GTF2F1: variants seen among roughly 807,000 people sequenced by gnomAD.
GTF2F1 encodes general transcription factor IIF 74 kDa subunit.
Under a neutral mutation model 63.5 loss-of-function variants are expected in GTF2F1, and 39 were observed. The ratio of observed to expected loss-of-function variants is 0.61; its 90% CI spans 0.48 to 0.80. GTF2F1 has a LOEUF of 0.80. Among genes scored for constraint, GTF2F1 ranks in the 30% least tolerant of loss-of-function variants. GTF2F1 has a pLI of 0.00. For missense variants in GTF2F1, 657 were observed against 718.3 expected, an observed-to-expected ratio of 0.91 and a Z score of 0.97; for synonymous variants, 287 against 285.3, an observed-to-expected ratio of 1.01 and a Z score of -0.06.
At chr19:6,392,121 A>C (rs1437567134) in intron 2 of GTF2F1, 147 bp from the exon 3 acceptor site, 1 of 676,710 alleles carries the variant, frequency 1.5e-6, no homozygotes, top group Non-Finnish European at 2.7e-6. Context: ...TCAATCACTC[A>C]ATTCAATTGA....
In GTF2F1 at chr19:6,383,538, A is replaced by G. The variant is rs752777593; in HGVS notation, c.498-43T>C. 3.8e-6 allele frequency: 6 copies of G among 1,593,306 alleles called. No homozygotes were observed. The African/African-American group carries it at 8.0e-5, about 21-fold the overall frequency. On this transcript the variant is annotated intron_variant, in intron 5 of 12. Coordinates refer to ENST00000394456, the MANE Select transcript of GTF2F1 (RefSeq NM_002096.3). The surrounding 1 kb of genome is among the most constrained non-coding windows in gnomAD (Gnocchi z 4.5). The stretch of plus-strand genomic sequence containing the variant: ...GGGGGCTCATGCCGGGCCTGGCACC[A>G]CCCTGCATCTGTGCTTGCAGGGGGC...
chr19:6,380,920 G>A lies in GTF2F1; in HGVS notation c.1215C>T (p.Ala405=), dbSNP rs761280869. The change falls in exon 11 of 13, where the codon GCC becomes GCT. Residue 405 remains alanine (A), a synonymous_variant. Coordinates refer to ENST00000394456, the MANE Select transcript of GTF2F1 (RefSeq NM_002096.3). This position sits in a 1 kb window ranked among gnomAD's most constrained non-coding sequence, Gnocchi z 5.3. The part of the protein sequence containing the change: ...GSTSSTLRAA[A]SKLEQGKRVS... ...GGCACTCACCTTGCTCGAGTTTGCT[G>A]GCAGCCGCCCGCAGGGTGGAGGAGG... The A allele has an allele frequency of 1.9e-6, 3 of 1,567,758 alleles. No homozygotes were observed. In the East Asian group the frequency reaches 6.9e-5, roughly 36 times the overall value.
At position 6,381,232 on chromosome 19, in the gene GTF2F1, C is replaced by G; in HGVS notation, c.1019-37G>C. ...AGGAAAGGGGTCAGGGCCAGAGCAA[C>G]CCCGGGACCCGGTGCCCACTGGTGC... On this transcript the variant is annotated intron_variant, in intron 9 of 12. Transcript: ENST00000394456. This position sits in a 1 kb window ranked among gnomAD's most constrained non-coding sequence, Gnocchi z 4.1. 1.3e-6 allele frequency: 2 copies of G among 1,581,234 alleles called. No homozygotes were observed. The highest frequency in any genetic ancestry group is 1.7e-6 in the Non-Finnish European group (2 of 1,164,576).
rs1451645597 is a variant in GTF2F1, at chr19:6,387,614, G to A, written c.327-55C>T. On this transcript the variant is annotated intron_variant, in intron 4 of 12. Coordinates refer to ENST00000394456, the MANE Select transcript of GTF2F1 (RefSeq NM_002096.3). ...CATAGGGACCAGCCCCAGCCCCCCC[G>A]TGTCCCCCCGGGGCCTGCCTCCTTT... 15 of 1,294,950 alleles carry A rather than the reference G, an allele frequency of 1.2e-5. 1 individual carries two copies. Among genetic ancestry groups the A allele is most frequent in the Admixed American group, 7.6e-5 (4 of 52,714 alleles). 80.2% of individuals were successfully genotyped at this position (1,294,950 alleles called of 1,614,324 possible). A position where few individuals can be genotyped will look rare whatever the true frequency, so the allele number is the denominator to read the frequency against.
chr19:6,390,363 C>G (rs1239977633), intron 3 of GTF2F1: 1 of 151,930 alleles, frequency 6.6e-6, no homozygotes, highest in South Asian at 2.1e-4. Flanking sequence ...CTGGCTAACA[C>G]GGTGAAACCC....
chr19:6,385,028 T>C (rs1185896431), intron 5 of GTF2F1, among the ~76,000 whole-genome samples: 1 of 152,022 alleles, frequency 6.6e-6, no homozygotes, highest in African/African-American at 2.4e-5. Context: ...CTCGAACTCT[T>C]GACCTTGCGA....
chr19:6,392,172 T>TAATTC (rs1319629004), intron 2 of GTF2F1, 198 bp from the exon 3 acceptor site: 6 of 637,918 alleles, frequency 9.4e-6, no homozygotes, highest in East Asian at 3.2e-5. Flanking sequence ...ATTGAATCAT[T>TAATTC]AATTCAATTC....
intron 5 of GTF2F1, among the ~76,000 whole-genome samples, chr19:6,386,111 C>T (rs1324181099): frequency 3.3e-5 from 5 of 151,474 alleles, no homozygotes; most frequent in African/African-American, 1.2e-4. Context: ...ACAGGCCGGG[C>T]GTGGTGGCTC....
rs771316028 is a variant in GTF2F1, at chr19:6,381,434, T to G, written c.943A>C (p.Lys315Gln). ...SDSSEESEEE[K>Q]PPEEDKEEEE... ...TCCTCCTTGTCCTCCTCAGGCGGCT[T>G]CTCCTCCTCACTCTCCTCACTACTG... Residue 315 changes from lysine to glutamine, a missense_variant, in exon 9 of 13, where the codon AAG (lysine) becomes CAG (glutamine). Around this residue, in one of 2 missense-constraint regions of GTF2F1, gnomAD observed 602 missense variants for 625.6 expected, o/e 0.96. Coordinates refer to ENST00000394456, the MANE Select transcript of GTF2F1 (RefSeq NM_002096.3). The surrounding 1 kb of genome is among the most constrained non-coding windows in gnomAD (Gnocchi z 4.1). 2.5e-6 allele frequency: 4 copies of G among 1,610,100 alleles called. No individual in the cohort carries two copies. In the South Asian group the frequency reaches 3.3e-5, roughly 13 times the overall value.
chr19:6,389,398 T>C (rs1398893119), intron 4 of GTF2F1, 46 bp downstream of exon 4: 8 of 1,570,114 alleles, frequency 5.1e-6, no homozygotes, highest in Non-Finnish European at 6.1e-6. Context: ...GGCCTGGGGA[T>C]GTGGACTGGT....
In GTF2F1 at chr19:6,381,259, T is replaced by G. The variant is rs892874833; in HGVS notation, c.1019-64A>C. 6.4e-7 allele frequency: 1 copy of G among 1,561,824 alleles called. No individual in the cohort carries two copies. The highest frequency in any genetic ancestry group is 8.7e-7 in the Non-Finnish European group (1 of 1,153,826). ...CCGGGACCCGGTGCCCACTGGTGCC[T>G]CCACTGCAGATGAGGGAGGCCTGCA... is the stretch of plus-strand genomic sequence containing the variant. On this transcript the variant is annotated intron_variant, in intron 9 of 12. Coordinates refer to ENST00000394456, the MANE Select transcript of GTF2F1 (RefSeq NM_002096.3). The surrounding 1 kb of genome is among the most constrained non-coding windows in gnomAD (Gnocchi z 4.1).
chr19:6,389,836 TG>T lies in GTF2F1; in HGVS notation c.133-200del. 8 of 496,576 alleles carry T rather than the reference TG, an allele frequency of 1.6e-5. No individual in the cohort carries two copies. In the South Asian group the frequency reaches 2.3e-4, roughly 14 times the overall value. The allele number at this position is 496,576 out of a possible 1,614,324, so 30.8% of individuals were successfully genotyped here. A position where few individuals can be genotyped will look rare whatever the true frequency, so the allele number is the denominator to read the frequency against. On this transcript the variant is annotated intron_variant, in intron 3 of 12. Coordinates refer to ENST00000394456, the MANE Select transcript of GTF2F1 (RefSeq NM_002096.3). The stretch of plus-strand genomic sequence containing the variant: ...TTGGGCGAGCCTTGCGCTCTATTTT[TG>T]CAACTTAAAAGCTTGAAATTATTTC...
At position 6,381,087 on chromosome 19, in the gene GTF2F1, G is replaced by T. The variant is rs199758892; in HGVS notation, c.1092+35C>A. On this transcript the variant is annotated intron_variant, in intron 10 of 12. Transcript: ENST00000394456. The surrounding 1 kb of genome is among the most constrained non-coding windows in gnomAD (Gnocchi z 4.1). ...GAGGTGGGTGAGTCTGCAAACAGAC[G>T]CCCAGGCCTCCCCCGCCACCGGGCT... 5 of 1,605,348 alleles carry T rather than the reference G, an allele frequency of 3.1e-6. No homozygotes were observed. The South Asian group carries it at 5.6e-5, about 18-fold the overall frequency.
At chr19:6,384,616 C>T (rs1046396627) in intron 5 of GTF2F1, among the ~76,000 whole-genome samples, 3 of 151,614 alleles carry the variant, frequency 2.0e-5, no homozygotes, top group Non-Finnish European at 4.4e-5. Context: ...AGTGGCTTTA[C>T]CACACTGAGC....
At position 6,381,976 on chromosome 19, in the gene GTF2F1, C is replaced by A. The variant is rs2091954129; in HGVS notation, c.683-126G>T. 2.7e-6 allele frequency: 2 copies of A among 739,464 alleles called. No individual in the cohort carries two copies. The highest frequency in any genetic ancestry group is 3.9e-4 in the Middle Eastern group (1 of 2,594). The allele number at this position is 739,464 out of a possible 1,614,324, so 45.8% of individuals were successfully genotyped here. On this transcript the variant is annotated intron_variant, in intron 6 of 12. Transcript: ENST00000394456. This position sits in a 1 kb window ranked among gnomAD's most constrained non-coding sequence, Gnocchi z 4.1. ...GGCCTCACTGACTGGGGAGACTACA[C>A]CTCCAGGGCCAGCCCAGGAGCTCAG... is the stretch of plus-strand genomic sequence containing the variant.
At position 6,383,259 on chromosome 19, in the gene GTF2F1, C is replaced by G; in HGVS notation, c.682+52G>C. On this transcript the variant is annotated intron_variant, in intron 6 of 12. Transcript: ENST00000394456. This position sits in a 1 kb window ranked among gnomAD's most constrained non-coding sequence, Gnocchi z 4.5. ...CGATGGTAGACTTTGCCTTCACTGG[C>G]ACTGCCTGAGCAGGCACCTCTGTGA... 6.4e-7 allele frequency: 1 copy of G among 1,573,370 alleles called. No individual in the cohort carries two copies. Among genetic ancestry groups the G allele is most frequent in the Non-Finnish European group, 8.7e-7 (1 of 1,148,524 alleles).
chr19:6,384,778 T>C (rs1209533986), intron 5 of GTF2F1, among the ~76,000 whole-genome samples: 1 of 143,770 alleles, frequency 7.0e-6, no homozygotes, highest in Admixed American at 6.8e-5. Context: ...CCATTTGTTC[T>C]TTTCTTTTCT....
At chr19:6,386,574 A>AG (rs35202636) in intron 5 of GTF2F1, among the ~76,000 whole-genome samples, 14,042 of 151,888 alleles carry the variant, frequency 0.092, 836 homozygotes, top group Non-Finnish European at 0.14. Flanking sequence ...CCTCCCGAGT[A>AG]CTGGGACTAC....
intron 2 of GTF2F1, 59 bp downstream of exon 2, chr19:6,392,798 C>T: frequency 6.6e-7 from 1 of 1,518,536 alleles, no homozygotes; most frequent in Non-Finnish European, 9.1e-7. Context: ...CTAAGAAGAT[C>T]GTGAAGGTTT....
Sources: allele counts gnomAD v4.1 joint callset (sites outside exome capture counted in the v4.1 genomes callset), GRCh38; gene constraint gnomAD v4.1.1; regional missense constraint gnomAD v4.1.1; non-coding constraint Gnocchi (gnomAD v3.1); transcripts MANE v1.5; gene names NCBI Gene and HGNC (gene_info 2026-07-23, HGNC 2026-07-21).